MALRD1: variants seen among roughly 807,000 people sequenced by gnomAD.
MALRD1 encodes MAM and LDL-receptor class A domain-containing protein 1.
A neutral mutation model predicts 242.1 loss-of-function variants in MALRD1; 247 were observed. That is an observed-to-expected ratio of 1.02 (90% confidence interval 0.92 to 1.13). The LOEUF (loss-of-function observed/expected upper bound fraction) is 1.13, where lower values mean the gene tolerates loss of function less well. Among genes scored for constraint, MALRD1 ranks in the 50% most tolerant of loss-of-function variants. The probability of loss-of-function intolerance (pLI) is 0.00; values close to 1 mark genes in which losing one functional copy is unlikely to be tolerated. For missense variants in MALRD1, 2,989 were observed against 2,533.1 expected (o/e 1.18, Z -3.86); for synonymous variants, 995 against 866.6 (o/e 1.15, Z -2.60).
chr10:19,490,216 C>A (rs1837421260), intron 29 of MALRD1, among the ~76,000 whole-genome samples: 1 of 151,914 alleles, frequency 6.6e-6, no homozygotes, highest in Non-Finnish European at 1.5e-5. Flanking sequence ...GAAAAAATAT[C>A]TTTTTATCTT....
intron 18 of MALRD1, among the ~76,000 whole-genome samples, chr10:19,246,783 A>G (rs755725597): frequency 2.2e-4 from 33 of 152,234 alleles, no homozygotes; most frequent in African/African-American, 4.6e-4. Flanking sequence ...TAGTATACTA[A>G]TTTGTCAGAA....
chr10:19,474,319 A>T (rs1836630375), intron 29 of MALRD1, among the ~76,000 whole-genome samples: 1 of 152,184 alleles, frequency 6.6e-6, no homozygotes, highest in Non-Finnish European at 1.5e-5. Context: ...ATACAGTTAT[A>T]AATATAGAAA....
intron 39 of MALRD1, among the ~76,000 whole-genome samples, chr10:19,732,616 G>A (rs1032423266): frequency 1.3e-5 from 2 of 152,100 alleles, no homozygotes; most frequent in East Asian, 1.9e-4. Flanking sequence ...GTGTCTGAAA[G>A]GTACACATGA....
chr10:19,619,717 TCTAG>T (rs1839318291), intron 36 of MALRD1, among the ~76,000 whole-genome samples: 1 of 152,132 alleles, frequency 6.6e-6, no homozygotes, highest in African/African-American at 2.4e-5. Context: ...TGCAAGTTTT[TCTAG>T]CTATTAATTC....
At chr10:19,710,998 A>G (rs1413620043) in intron 38 of MALRD1, 1 of 152,240 alleles carries the variant, frequency 6.6e-6, no homozygotes, top group African/African-American at 2.4e-5. Flanking sequence ...AGTAAGTTAT[A>G]TAGTTTTCCA....
intron 26 of MALRD1, among the ~76,000 whole-genome samples, chr10:19,378,672 A>T (rs1203549676): frequency 6.6e-6 from 1 of 152,094 alleles, no homozygotes; most frequent in East Asian, 1.9e-4. Flanking sequence ...TTGCACTCTG[A>T]CATGAACATG....
intron 38 of MALRD1, among the ~76,000 whole-genome samples, chr10:19,726,032 T>C (rs1334629122): frequency 1.3e-5 from 2 of 152,128 alleles, no homozygotes; most frequent in Non-Finnish European, 1.5e-5. Context: ...TGATCTTGGA[T>C]TTGGAAATTG....
At chr10:19,452,374 G>A (rs1835379663) in intron 29 of MALRD1, among the ~76,000 whole-genome samples, 1 of 152,096 alleles carries the variant, frequency 6.6e-6, no homozygotes, top group African/African-American at 2.4e-5. Flanking sequence ...GCCAACACTT[G>A]GCTTACTAAG....
At chr10:19,317,507 G>C (rs916657562) in intron 21 of MALRD1, among the ~76,000 whole-genome samples, 4 of 151,908 alleles carry the variant, frequency 2.6e-5, no homozygotes, top group African/African-American at 9.7e-5. Flanking sequence ...GTTCACAACA[G>C]CTTTTTTGGT....
chr10:19,530,414 T>TG (rs1834332568), intron 31 of MALRD1, among the ~76,000 whole-genome samples: 1 of 46,800 alleles, frequency 2.1e-5, no homozygotes, highest in Admixed American at 2.7e-4. Context: ...TATATTTATA[T>TG]AATAATAAAT....
At chr10:19,137,501 G>T (rs1248878028) in intron 10 of MALRD1, among the ~76,000 whole-genome samples, 1 of 151,724 alleles carries the variant, frequency 6.6e-6, no homozygotes, top group Non-Finnish European at 1.5e-5. Context: ...AGCTACTTGG[G>T]AGGCTGAGGT....
intron 26 of MALRD1, among the ~76,000 whole-genome samples, chr10:19,356,882 G>A (rs1844659917): frequency 6.6e-6 from 1 of 152,094 alleles, no homozygotes; most frequent in South Asian, 2.1e-4. Context: ...CCTGAGGTGG[G>A]CAGATCATCT....
intron 28 of MALRD1, among the ~76,000 whole-genome samples, chr10:19,423,702 T>G (rs79794508): frequency 0.016 from 2,482 of 151,926 alleles, 70 homozygotes; most frequent in African/African-American, 0.057. Flanking sequence ...GGGGATTGAG[T>G]CCCTAGGAGG....
chr10:19,130,787 C>A (rs1236902718), intron 8 of MALRD1, among the ~76,000 whole-genome samples: 2 of 152,008 alleles, frequency 1.3e-5, no homozygotes, highest in Non-Finnish European at 2.9e-5. Context: ...ATGAGCCATG[C>A]CATTCTTCTG....
At chr10:19,423,740 G>GA (rs1338958480) in intron 28 of MALRD1, among the ~76,000 whole-genome samples, 1 of 152,086 alleles carries the variant, frequency 6.6e-6, no homozygotes, top group Non-Finnish European at 1.5e-5. Context: ...CCCTAAAACT[G>GA]AAAAGAGACG....
chr10:19,299,762 A>G (rs1841864582), intron 21 of MALRD1, among the ~76,000 whole-genome samples: 1 of 152,000 alleles, frequency 6.6e-6, no homozygotes, highest in Admixed American at 6.6e-5. Flanking sequence ...CACAGACAAC[A>G]TAATGAGAGG....
intron 21 of MALRD1, among the ~76,000 whole-genome samples, chr10:19,285,608 C>T (rs1486909834): frequency 6.7e-6 from 1 of 150,256 alleles, no homozygotes; most frequent in Non-Finnish European, 1.5e-5. Flanking sequence ...TTCCATTGGT[C>T]TATATCTCTG....
At chr10:19,179,338 C>G (rs1294753026) in intron 14 of MALRD1, among the ~76,000 whole-genome samples, 3 of 152,132 alleles carry the variant, frequency 2.0e-5, no homozygotes, top group Admixed American at 6.6e-5. Context: ...ATGTATTGTA[C>G]ACTTAAAAAT....
At chr10:19,491,364 G>T in intron 29 of MALRD1, 153 bp from the exon 30 acceptor site, 1 of 893,436 alleles carries the variant, frequency 1.1e-6, no homozygotes. Flanking sequence ...AGGTGGGACT[G>T]AGAAAGAGGA....
Sources: allele counts gnomAD v4.1 joint callset (sites outside exome capture counted in the v4.1 genomes callset), GRCh38; gene constraint gnomAD v4.1.1; transcripts MANE v1.5; gene names NCBI Gene and HGNC (gene_info 2026-07-23, HGNC 2026-07-21).